QARS1: variants seen among roughly 807,000 people sequenced by gnomAD.
QARS1 encodes the protein glutamine--tRNA ligase.
Under a neutral mutation model 106.9 loss-of-function variants are expected in QARS1, and 79 were observed. The observed-to-expected ratio is 0.74, with a 90% CI of 0.62 to 0.89. The LOEUF (loss-of-function observed/expected upper bound fraction) is 0.89, where lower values mean the gene tolerates loss of function less well. QARS1 is among the 40% of genes least tolerant of loss of function. QARS1 has a pLI of 0.00. For synonymous variants in QARS1, 395 were observed against 367.7 expected (o/e 1.07, Z -0.85); for missense variants, 966 against 997.2 (o/e 0.97, Z 0.42).
rs1170391746 is a variant in QARS1 at position 49,100,290 on chromosome 3, G to A, written c.1064C>T (p.Ala355Val). Residue 355 changes from alanine (A) to valine (V), a missense_variant, in exon 13 of 24, where the codon GCT becomes GTT. Physicochemically the swap from Ala to Val is moderately conservative, Grantham distance 64. Transcript: ENST00000306125. ...WAVELIRRGL[A>V]YVCHQRGEEL... is the part of the protein sequence containing the mutation. ...CTCTCCTCGCTGGTGGCACACATAAGCCAGACCCCTGTGGGGAAGCGGTGT... is the reference window on the plus strand; with the variant it reads ...CTCTCCTCGCTGGTGGCACACATAAACCAGACCCCTGTGGGGAAGCGGTGT... 1.2e-6 allele frequency: 2 copies of A among 1,614,246 alleles called. No individual in the cohort carries two copies. The highest frequency in any genetic ancestry group is 3.3e-5 in the Admixed American group (2 of 60,034).
At chr3:49,098,773 A>G in intron 19 of QARS1, 81 bp from the exon 20 acceptor site, 1 of 1,506,942 alleles carries the variant, frequency 6.6e-7, no homozygotes, top group Non-Finnish European at 9.1e-7. Context: ...CGTGTCTGGC[A>G]AAGATTGGTT....
intron 7 of QARS1, 137 bp from the exon 8 acceptor site, chr3:49,102,036 A>T: frequency 1.5e-6 from 2 of 1,301,288 alleles, no homozygotes; most frequent in Non-Finnish European, 2.2e-6. Context: ...GAGGCCTCTC[A>T]TGCCAGTCTC....
chr3:49,099,458 C>A, intron 16 of QARS1, 27 bp from the exon 17 acceptor site: 1 of 1,614,160 alleles, frequency 6.2e-7, no homozygotes, highest in Non-Finnish European at 8.5e-7. Flanking sequence ...GGTGAGAAGG[C>A]CTTTGGGAGC....
At position 49,095,995 on chromosome 3, in the gene QARS1, T is replaced by C; in HGVS notation, c.*34A>G. 1.2e-6 allele frequency: 2 copies of C among 1,609,422 alleles called. No individual in the cohort carries two copies. Among genetic ancestry groups the C allele is most frequent in the Non-Finnish European group, 1.7e-6 (2 of 1,176,714 alleles). On this transcript the variant is annotated 3_prime_UTR_variant, in exon 24 of 24. Transcript: ENST00000306125. ...TGGGGTGGCGAGGGTAGCCACACCC[T>C]CCAGGAGGATGAGGTAGGTTCAGTG...
chr3:49,096,202 G>A, intron 23 of QARS1, 123 bp from the exon 24 acceptor site: 1 of 959,860 alleles, frequency 1.0e-6, no homozygotes, highest in Non-Finnish European at 1.6e-6. Flanking sequence ...GAGGGACTAA[G>A]GGTCAGGAGG....
chr3:49,097,744 C>A (rs757248184), intron 23 of QARS1, among the ~76,000 whole-genome samples: 1 of 151,868 alleles, frequency 6.6e-6, no homozygotes, highest in Non-Finnish European at 1.5e-5. Context: ...TGCAGTGAGC[C>A]GAGATGGTGC....
intron 23 of QARS1, among the ~76,000 whole-genome samples, chr3:49,096,378 G>C (rs1293727772): frequency 6.6e-6 from 1 of 152,238 alleles, no homozygotes; most frequent in East Asian, 1.9e-4. Flanking sequence ...AAGAAAGACA[G>C]GGTGGGCTGG....
At position 49,104,312 on chromosome 3, in the gene QARS1, TA is replaced by T; in HGVS notation, c.265+11del. On this transcript the variant is annotated intron_variant, in intron 2 of 23. Coordinates refer to ENST00000306125, the MANE Select transcript of QARS1 (RefSeq NM_005051.3). Reference sequence around the variant, plus strand: ...CATTGGTGCGAACTGGCAGGACAGGTAGGGGTCTCACCGCTTAGCTGGGGCT... The same window carrying T: ...CATTGGTGCGAACTGGCAGGACAGGTGGGGTCTCACCGCTTAGCTGGGGCT... 6.2e-7 allele frequency: 1 copy of T among 1,613,480 alleles called. No homozygotes were observed. The highest frequency in any genetic ancestry group is 8.5e-7 in the Non-Finnish European group (1 of 1,179,690).
rs1407459744 is a variant in QARS1, at chr3:49,098,071, G to C, written c.2198C>G (p.Ala733Gly). The C allele has an allele frequency of 6.2e-7, 1 of 1,614,190 alleles. No individual in the cohort carries two copies. Among genetic ancestry groups the C allele is most frequent in the South Asian group, 1.1e-5 (1 of 91,084 alleles). ...VDAALVDCSVALAKPFDKFQF... is the reference protein window; with the variant it reads ...VDAALVDCSVGLAKPFDKFQF... ...GAACTTGTCGAAGGGTTTTGCCAGG[G>C]CCACAGAGCAGTCCACTAATGCTGC... Residue 733 changes from alanine to glycine, a missense_variant, in exon 23 of 24, where the codon GCC (alanine) becomes GGC (glycine). Transcript: ENST00000306125.
intron 7 of QARS1, 113 bp downstream of exon 7, chr3:49,102,092 C>A: frequency 7.0e-7 from 1 of 1,427,520 alleles, no homozygotes; most frequent in South Asian, 1.2e-5. Flanking sequence ...AGTCTTGAGA[C>A]AGAAGTCAGG....
At chr3:49,102,845 G>T in intron 5 of QARS1, 1 of 353,894 alleles carries the variant, frequency 2.8e-6, no homozygotes, top group Non-Finnish European at 5.5e-6. Context: ...GTTTCACCAT[G>T]TTGGCCAGGC....
intron 5 of QARS1, 95 bp downstream of exon 5, chr3:49,103,250 G>A (rs1460679898): frequency 1.9e-5 from 25 of 1,335,596 alleles, no homozygotes; most frequent in Non-Finnish European, 2.7e-5. Flanking sequence ...GAGCCACCAT[G>A]CCCAGCCCTC....
At chr3:49,104,250 G>T in intron 2 of QARS1, 74 bp downstream of exon 2, 1 of 1,578,142 alleles carries the variant, frequency 6.3e-7, no homozygotes, top group Non-Finnish European at 8.6e-7. Context: ...GGAGGACTTG[G>T]CAAAAAGGGA....
chr3:49,097,226 G>T (rs2042404353), intron 23 of QARS1: 1 of 152,106 alleles, frequency 6.6e-6, no homozygotes, highest in Non-Finnish European at 1.5e-5. Flanking sequence ...AGTAGTTTGA[G>T]GCCACAGTGA....
chr3:49,097,316 G>C (rs1321824530), intron 23 of QARS1: 1 of 151,898 alleles, frequency 6.6e-6, no homozygotes, highest in Non-Finnish European at 1.5e-5. Flanking sequence ...AAGGTTATTA[G>C]CTGCCTTAAC....
rs1465792677 is a variant in QARS1 at position 49,099,324 on chromosome 3, C to T, written c.1614+20G>A. ...CCACACTCAACCCCCAATGTATCTA[C>T]CCAACCTGCTGGGCTATACCCGGGC... On this transcript the variant is annotated intron_variant, in intron 17 of 23. Coordinates refer to ENST00000306125, the MANE Select transcript of QARS1 (RefSeq NM_005051.3). 1 of 1,614,176 alleles carries T rather than the reference C, an allele frequency of 6.2e-7. No individual in the cohort carries two copies. Among genetic ancestry groups the T allele is most frequent in the Non-Finnish European group, 8.5e-7 (1 of 1,180,008 alleles).
chr3:49,098,522 CACA>C (rs1201923145), intron 20 of QARS1, 42 bp from the exon 21 acceptor site: 1 of 1,613,566 alleles, frequency 6.2e-7, no homozygotes, highest in East Asian at 2.2e-5. Flanking sequence ...ACCCGGGAAC[CACA>C]ACCAGGACTG....
In QARS1 at chr3:49,100,252, G is replaced by C. The variant is rs2042451422; in HGVS notation, c.1102C>G (p.His368Asp). The C allele has an allele frequency of 2.5e-6, 4 of 1,614,144 alleles. No homozygotes were observed. The highest frequency in any genetic ancestry group is 2.5e-6 in the Non-Finnish European group (3 of 1,180,058). The change falls in exon 13 of 24, where the codon CAT becomes GAT. Residue 368 changes from histidine to aspartate, a missense_variant. His to Asp is a moderately conservative substitution (Grantham distance 81). Coordinates refer to ENST00000306125, the MANE Select transcript of QARS1 (RefSeq NM_005051.3). ...CHQRGEELKG[H>D]NTLPSPWRDR... ...CTCCAGGGTGAAGGCAGAGTATTAT[G>C]GCCTTTGAGCTCCTCTCCTCGCTGG...
intron 23 of QARS1, 107 bp downstream of exon 23, chr3:49,097,885 C>T: frequency 6.8e-7 from 1 of 1,466,578 alleles, no homozygotes; most frequent in Non-Finnish European, 9.3e-7. Flanking sequence ...TACCAACTCC[C>T]TCAGGTGGTG....
Sources: allele counts gnomAD v4.1 joint callset (sites outside exome capture counted in the v4.1 genomes callset), GRCh38; gene constraint gnomAD v4.1.1; transcripts MANE v1.5; gene names NCBI Gene and HGNC (gene_info 2026-07-23, HGNC 2026-07-21).